Variants in CSMD1 observed in about 807,000 individuals in gnomAD.
CSMD1 encodes CUB and sushi domain-containing protein 1.
In CSMD1, 213 loss-of-function variants were observed where a neutral mutation model predicts 417.5. That is an observed-to-expected ratio of 0.51 (90% confidence interval 0.46 to 0.57). CSMD1 has a LOEUF of 0.57. CSMD1 is among the 20% of genes least tolerant of loss of function. The pLI is 0.00. For missense variants in CSMD1, 6,923 were observed against 4,529.7 expected (o/e 1.53, Z -15.17); for synonymous variants, 2,862 against 1,736.8 (o/e 1.65, Z -16.11).
At chr8:4,293,622 G>A (rs999369709) in intron 3 of CSMD1, among the ~76,000 whole-genome samples, 1 of 152,056 alleles carries the variant, frequency 6.6e-6, no homozygotes, top group Admixed American at 6.6e-5. Context: ...CTGCAATCGT[G>A]TATTTTGACT....
At chr8:3,757,632 G>C (rs1224443421) in intron 5 of CSMD1, among the ~76,000 whole-genome samples, 1 of 152,050 alleles carries the variant, frequency 6.6e-6, no homozygotes, top group East Asian at 1.9e-4. Flanking sequence ...GGATGCCAAG[G>C]TGGGTGGATC....
chr8:3,614,339 T>C (rs1032518127), intron 8 of CSMD1, among the ~76,000 whole-genome samples: 2 of 151,866 alleles, frequency 1.3e-5, no homozygotes, highest in African/African-American at 4.8e-5. Flanking sequence ...ACCTAGATTC[T>C]CCCTACACCG....
At chr8:3,136,124 T>G (rs1472358338) in intron 41 of CSMD1, among the ~76,000 whole-genome samples, 1 of 152,182 alleles carries the variant, frequency 6.6e-6, no homozygotes, top group Admixed American at 6.5e-5. Flanking sequence ...ATCTAGCCAC[T>G]AATTGATGGC....
At chr8:4,714,681 G>T (rs1354010695) in intron 1 of CSMD1, among the ~76,000 whole-genome samples, 2 of 152,072 alleles carry the variant, frequency 1.3e-5, no homozygotes, top group Admixed American at 6.6e-5. Context: ...TCATTTAAAA[G>T]AAGCTAGGCA....
intron 2 of CSMD1, among the ~76,000 whole-genome samples, chr8:4,449,719 G>T (rs914445846): frequency 6.6e-6 from 1 of 152,126 alleles, no homozygotes. Context: ...GGGAAGAAAT[G>T]CCAGAATAGG....
chr8:4,843,392 T>G (rs1277689108), intron 1 of CSMD1, among the ~76,000 whole-genome samples: 2 of 152,066 alleles, frequency 1.3e-5, no homozygotes, highest in Admixed American at 1.3e-4. Flanking sequence ...TAAGAACCCT[T>G]CATTGTTTTC....
intron 5 of CSMD1, among the ~76,000 whole-genome samples, chr8:3,885,744 C>T (rs1806520102): frequency 6.6e-6 from 1 of 152,154 alleles, no homozygotes; most frequent in Non-Finnish European, 1.5e-5. Flanking sequence ...GCCCCTTCTC[C>T]ATCTCACAAA....
intron 8 of CSMD1, among the ~76,000 whole-genome samples, chr8:3,611,354 G>C (rs1444340487): frequency 2.0e-5 from 3 of 152,074 alleles, no homozygotes; most frequent in Admixed American, 2.0e-4. Context: ...GAAGCCTGAG[G>C]GAGCTCTGGA....
chr8:4,020,187 T>C (rs1178521256), intron 4 of CSMD1, among the ~76,000 whole-genome samples: 1 of 152,144 alleles, frequency 6.6e-6, no homozygotes, highest in Non-Finnish European at 1.5e-5. Flanking sequence ...AGTAGGCACT[T>C]TTATACACAT....
At chr8:3,968,564 T>C (rs542653618) in intron 5 of CSMD1, among the ~76,000 whole-genome samples, 3 of 152,230 alleles carry the variant, frequency 2.0e-5, no homozygotes, top group East Asian at 1.9e-4. Context: ...GTTTGAACAA[T>C]AACCAAGAGA....
intron 3 of CSMD1, among the ~76,000 whole-genome samples, chr8:4,385,159 T>G (rs113916325): frequency 0.19 from 14,353 of 77,276 alleles, 809 homozygotes; most frequent in South Asian, 0.29. Flanking sequence ...ACTCCTGACC[T>G]CAGGTGATCC....
chr8:4,354,987 G>A (rs1032510302), intron 3 of CSMD1, among the ~76,000 whole-genome samples: 3 of 151,476 alleles, frequency 2.0e-5, no homozygotes, highest in Admixed American at 1.3e-4. Flanking sequence ...TTGTGGCCAG[G>A]CACGGTGGCT....
At chr8:3,893,339 T>TTATATATATATATTTATATATATA (rs1807115575) in intron 5 of CSMD1, among the ~76,000 whole-genome samples, 1 of 80,440 alleles carries the variant, frequency 1.2e-5, no homozygotes, top group African/African-American at 3.6e-5. Flanking sequence ...ATTCACAATT[T>TTATATATATATATTTATATATATA]TATATATATA....
intron 2 of CSMD1, among the ~76,000 whole-genome samples, chr8:4,497,177 G>A (rs1354536753): frequency 2.0e-5 from 3 of 152,080 alleles, no homozygotes; most frequent in African/African-American, 7.2e-5. Context: ...ATATTCCAGA[G>A]CATGTGGTCT....
At chr8:4,040,545 T>G (rs1317170966) in intron 3 of CSMD1, among the ~76,000 whole-genome samples, 1 of 152,192 alleles carries the variant, frequency 6.6e-6, no homozygotes, top group Non-Finnish European at 1.5e-5. Flanking sequence ...GATGATAAAG[T>G]GTGATTAGAT....
intron 6 of CSMD1, among the ~76,000 whole-genome samples, chr8:3,723,952 T>C (rs1372372402): frequency 8.8e-6 from 1 of 114,044 alleles, no homozygotes; most frequent in Non-Finnish European, 2.4e-5. Context: ...GAAATAGCCA[T>C]TTGTTAAGTT....
intron 1 of CSMD1, among the ~76,000 whole-genome samples, chr8:4,721,842 C>A (rs192494673): frequency 6.6e-6 from 1 of 152,116 alleles, no homozygotes; most frequent in Non-Finnish European, 1.5e-5. Flanking sequence ...CATGATTCAG[C>A]TTTACAAAAG....
chr8:3,926,059 CACACACACACACACAAACACCAT>C (rs1398176372), intron 5 of CSMD1, among the ~76,000 whole-genome samples: 6 of 136,936 alleles, frequency 4.4e-5, no homozygotes, highest in East Asian at 2.1e-4. Context: ...CATATACACA[CACACACACACACACAAACACCAT>C]ACACACACAC....
chr8:3,805,461 C>G (rs1247332153), intron 5 of CSMD1, among the ~76,000 whole-genome samples: 1 of 152,188 alleles, frequency 6.6e-6, no homozygotes, highest in Non-Finnish European at 1.5e-5. Context: ...TCTACTCCCT[C>G]CCTCTTTCTG....
Sources: gnomAD v4.1 joint callset for allele counts (sites outside exome capture counted in the v4.1 genomes callset) on GRCh38, gnomAD v4.1.1 for gene constraint, MANE v1.5 for transcripts, NCBI Gene and HGNC (gene_info 2026-07-23, HGNC 2026-07-21) for gene names.